SERGEF: variants seen among roughly 807,000 people sequenced by gnomAD.
SERGEF encodes secretion regulating guanine nucleotide exchange factor, also known as secretion-regulating guanine nucleotide exchange factor.
A neutral mutation model predicts 50.0 loss-of-function variants in SERGEF; 51 were observed. The ratio of observed to expected loss-of-function variants is 1.02; its 90% CI spans 0.81 to 1.29. The LOEUF is 1.29. Among genes scored for constraint, SERGEF ranks in the 50% most tolerant of loss-of-function variants. The pLI is 0.00. For missense variants in SERGEF, 521 were observed against 557.0 expected (o/e 0.94, Z 0.65); for synonymous variants, 205 against 212.4 (o/e 0.97, Z 0.30).
At chr11:17,813,236 G>A (rs1200669110) in intron 10 of SERGEF, among the ~76,000 whole-genome samples, 1 of 152,154 alleles carries the variant, frequency 6.6e-6, no homozygotes, top group Non-Finnish European at 1.5e-5. Flanking sequence ...GATGATGAAT[G>A]GTAAAAGTGC....
At chr11:17,879,567 C>T (rs72873837) in intron 9 of SERGEF, among the ~76,000 whole-genome samples, 13 of 152,196 alleles carry the variant, frequency 8.5e-5, no homozygotes, top group African/African-American at 3.1e-4. Context: ...TTTTTAAATT[C>T]ATGTATGAGT....
At chr11:17,890,004 T>C (rs1254083083) in intron 9 of SERGEF, among the ~76,000 whole-genome samples, 5 of 144,422 alleles carry the variant, frequency 3.5e-5, no homozygotes, top group African/African-American at 1.3e-4. Flanking sequence ...TGCATTTTAC[T>C]GTAGGTAAGT....
In SERGEF at chr11:17,888,678, C is replaced by T. The variant is rs868370988; in HGVS notation, c.1012-10434G>A. On this transcript the variant is annotated intron_variant, in intron 9 of 10. Transcript: ENST00000265965. The surrounding 1 kb of genome is among the most constrained non-coding windows in gnomAD (Gnocchi z 4.1). ...ACACACACACACACACACACACACA[C>T]GCATTGAGTTAAACCAACATGAAAT... 1.9e-4 allele frequency among the ~76,000 whole-genome samples: 26 copies of T among 139,896 alleles called. No homozygotes were observed. The highest frequency in any genetic ancestry group is 2.5e-4 in the African/African-American group (9 of 36,236). The allele number at this position is 139,896 out of a possible 152,430, so 91.8% of individuals were successfully genotyped here.
At chr11:17,818,237 G>C (rs1850015600) in intron 10 of SERGEF, among the ~76,000 whole-genome samples, 1 of 152,116 alleles carries the variant, frequency 6.6e-6, no homozygotes, top group Non-Finnish European at 1.5e-5. Flanking sequence ...GAGGAACTCA[G>C]ACCTCTGAGC....
chr11:17,936,623 T>C (rs1174709018), intron 9 of SERGEF, among the ~76,000 whole-genome samples: 1 of 152,184 alleles, frequency 6.6e-6, no homozygotes, highest in Non-Finnish European at 1.5e-5. Context: ...TCCTGCTCTC[T>C]AGGGCGTACA....
chr11:17,926,971 C>T (rs1261950894), intron 9 of SERGEF: 1 of 388,192 alleles, frequency 2.6e-6, no homozygotes, highest in East Asian at 7.3e-5. Context: ...GACGGATAAA[C>T]CAACCATCGC....
intron 9 of SERGEF, among the ~76,000 whole-genome samples, chr11:17,922,690 A>T (rs1261940192): frequency 6.6e-6 from 1 of 152,150 alleles, no homozygotes; most frequent in Non-Finnish European, 1.5e-5. Flanking sequence ...CCTGGCTTCA[A>T]ATACTGCTCG....
At chr11:17,890,863 T>A (rs921909692) in intron 9 of SERGEF, among the ~76,000 whole-genome samples, 8 of 152,102 alleles carry the variant, frequency 5.3e-5, no homozygotes, top group Non-Finnish European at 7.4e-5. Flanking sequence ...CAAAAAATGA[T>A]GGGGGCATGT....
chr11:17,977,354 C>T (rs748353729), intron 8 of SERGEF, among the ~76,000 whole-genome samples: 64 of 152,276 alleles, frequency 4.2e-4, no homozygotes, highest in Non-Finnish European at 6.6e-4. Flanking sequence ...AGTAGCTATG[C>T]AGGAATCACA....
At chr11:17,915,961 A>T (rs1852041174) in intron 9 of SERGEF, among the ~76,000 whole-genome samples, 1 of 152,252 alleles carries the variant, frequency 6.6e-6, no homozygotes, top group South Asian at 2.1e-4. Context: ...GGGACTGTTG[A>T]CGTAGTGATG....
At chr11:17,886,942 C>A (rs1189205790) in intron 9 of SERGEF, among the ~76,000 whole-genome samples, 1 of 152,136 alleles carries the variant, frequency 6.6e-6, no homozygotes, top group Non-Finnish European at 1.5e-5. Flanking sequence ...AGATTGACCA[C>A]AGCCTGTGAA....
chr11:17,963,308 G>A (rs1300588885), intron 8 of SERGEF, among the ~76,000 whole-genome samples: 10 of 140,542 alleles, frequency 7.1e-5, no homozygotes, highest in Admixed American at 3.0e-4. Flanking sequence ...GCCATGGCTG[G>A]ATCTGGATCT....
chr11:17,950,110 A>T (rs2133963383), intron 9 of SERGEF, among the ~76,000 whole-genome samples: 1 of 152,334 alleles, frequency 6.6e-6, no homozygotes, highest in East Asian at 1.9e-4. Context: ...GAAAATCCAG[A>T]GATTTTAGAC....
At chr11:17,832,506 T>C (rs1850327397) in intron 10 of SERGEF, among the ~76,000 whole-genome samples, 1 of 151,982 alleles carries the variant, frequency 6.6e-6, no homozygotes, top group Non-Finnish European at 1.5e-5. Context: ...CTGGTACCAG[T>C]AGAGTGGGCT....
chr11:17,862,432 A>C (rs1211171631), intron 10 of SERGEF, among the ~76,000 whole-genome samples: 1 of 152,208 alleles, frequency 6.6e-6, no homozygotes, highest in Non-Finnish European at 1.5e-5. Flanking sequence ...CTTGTCTAGT[A>C]CTCAGGTATT....
chr11:17,868,685 T>G (rs1278545133), intron 10 of SERGEF, among the ~76,000 whole-genome samples: 3 of 152,160 alleles, frequency 2.0e-5, no homozygotes, highest in Non-Finnish European at 1.5e-5. Flanking sequence ...CTGGGCAATT[T>G]ACGAAATAAA....
intron 9 of SERGEF, among the ~76,000 whole-genome samples, chr11:17,926,137 G>T (rs533174022): frequency 5.9e-5 from 9 of 152,120 alleles, no homozygotes; most frequent in Non-Finnish European, 1.3e-4. Flanking sequence ...AATGCAGACA[G>T]GTCTATGGTC....
chr11:17,827,233 G>A (rs1251317671), intron 10 of SERGEF, among the ~76,000 whole-genome samples: 1 of 152,280 alleles, frequency 6.6e-6, no homozygotes, highest in African/African-American at 2.4e-5. Context: ...GGAAACTGGA[G>A]GGTCCTTGAG....
chr11:17,840,607 A>G (rs1850483660), intron 10 of SERGEF, among the ~76,000 whole-genome samples: 1 of 152,166 alleles, frequency 6.6e-6, no homozygotes, highest in Non-Finnish European at 1.5e-5. Flanking sequence ...AGCCCTGTTC[A>G]AAGTGGAGAA....
Sources: gnomAD v4.1 joint callset for allele counts (sites outside exome capture counted in the v4.1 genomes callset) on GRCh38, gnomAD v4.1.1 for gene constraint, Gnocchi (gnomAD v3.1) non-coding constraint, MANE v1.5 for transcripts, NCBI Gene and HGNC (gene_info 2026-07-23, HGNC 2026-07-21) for gene names.